The following MGST2 variants were observed in gnomAD, a reference collection of about 807,000 sequenced individuals.
MGST2 encodes glutathione peroxidase MGST2.
A neutral mutation model predicts 16.6 loss-of-function variants in MGST2; 9 were observed. The observed-to-expected ratio is 0.54, with a 90% CI of 0.33 to 0.95. The LOEUF (loss-of-function observed/expected upper bound fraction) is 0.95, where lower values mean the gene tolerates loss of function less well. Among genes scored for constraint, MGST2 ranks in the 40% least tolerant of loss-of-function variants. The probability of loss-of-function intolerance (pLI) is 0.03; values close to 1 mark genes in which losing one functional copy is unlikely to be tolerated. For synonymous variants in MGST2, 79 were observed against 68.0 expected (o/e 1.16, Z -0.79); for missense variants, 159 against 175.1 (o/e 0.91, Z 0.52).
At chr4:139,698,104 T>TG (rs1157450936) in intron 3 of MGST2, 1 of 1,206,032 alleles carries the variant, frequency 8.3e-7, no homozygotes, top group African/African-American at 1.6e-5. Flanking sequence ...AGAAATTTTT[T>TG]TTTTTTTGAG....
intron 5 of MGST2, chr4:139,720,111 C>G: frequency 6.2e-7 from 1 of 1,614,074 alleles, no homozygotes. Flanking sequence ...TGGGTCATGC[C>G]TGTGCTCATA....
downstream of MGST2, among the ~76,000 whole-genome samples, chr4:139,709,071 A>AATTTTTTTTTTTTTTTTTTTTT: frequency 1.2e-5 from 1 of 81,970 alleles, no homozygotes; most frequent in Non-Finnish European, 2.2e-5. Flanking sequence ...AATGGAAAAA[A>AATTTTTTTTTTTTTTTTTTTTT]TTTTTTTTTT....
intron 2 of MGST2, chr4:139,678,922 G>T (rs915991362): frequency 9.7e-6 from 5 of 514,976 alleles, no homozygotes; most frequent in African/African-American, 7.7e-5. Context: ...GAGGGTCACT[G>T]GGTCAAAGAG....
At chr4:139,726,110 C>T (rs1350147015) in intron 5 of MGST2, among the ~76,000 whole-genome samples, 1 of 152,186 alleles carries the variant, frequency 6.6e-6, no homozygotes, top group Non-Finnish European at 1.5e-5. Flanking sequence ...CTCCCTTGAC[C>T]CATGGGCATC....
At chr4:139,692,110 G>A (rs1357470147) in intron 2 of MGST2, among the ~76,000 whole-genome samples, 2 of 152,214 alleles carry the variant, frequency 1.3e-5, no homozygotes, top group Non-Finnish European at 1.5e-5. Context: ...AAAGTACAAT[G>A]AGCACAGCTG....
At chr4:139,711,248 G>C (rs772138033) in intron 5 of MGST2, among the ~76,000 whole-genome samples, 3 of 152,068 alleles carry the variant, frequency 2.0e-5, no homozygotes, top group Non-Finnish European at 2.9e-5. Context: ...TTACAGGACA[G>C]AGAAATATGT....
At chr4:139,720,675 T>C (rs377659245) in intron 5 of MGST2, among the ~76,000 whole-genome samples, 5 of 152,352 alleles carry the variant, frequency 3.3e-5, no homozygotes, top group African/African-American at 1.2e-4. Flanking sequence ...CAGATCCTGA[T>C]GTAATTCTTG....
downstream of MGST2, among the ~76,000 whole-genome samples, chr4:139,709,011 A>AAG (rs1160984419): frequency 6.7e-6 from 1 of 150,304 alleles, no homozygotes; most frequent in African/African-American, 2.4e-5. Flanking sequence ...AAAAAAAAAA[A>AAG]AAAAGAAAAA....
intron 3 of MGST2, among the ~76,000 whole-genome samples, chr4:139,699,197 A>T (rs1727105360): frequency 1.3e-5 from 2 of 152,268 alleles, no homozygotes; most frequent in South Asian, 4.1e-4. Context: ...CAATAGCAAC[A>T]GGAGGTGGCT....
At chr4:139,686,885 G>C (rs1731596379) in intron 2 of MGST2, among the ~76,000 whole-genome samples, 3 of 152,142 alleles carry the variant, frequency 2.0e-5, no homozygotes. Context: ...CTGAAAACTT[G>C]TTGGGAACTA....
intron 3 of MGST2, among the ~76,000 whole-genome samples, chr4:139,695,856 A>G (rs1361436119): frequency 6.6e-6 from 1 of 152,196 alleles, no homozygotes; most frequent in Non-Finnish European, 1.5e-5. Context: ...TGACTCGAAC[A>G]ATGGAGGGGT....
At chr4:139,740,981 C>T (rs1226233152), downstream of MGST2, among the ~76,000 whole-genome samples, 1 of 152,212 alleles carries the variant, frequency 6.6e-6, no homozygotes, top group East Asian at 1.9e-4. Flanking sequence ...TGTCAGCCTG[C>T]TCTGCCGGTT....
intron 5 of MGST2, among the ~76,000 whole-genome samples, chr4:139,725,409 A>G (rs1428022151): frequency 6.6e-6 from 1 of 152,204 alleles, no homozygotes; most frequent in Admixed American, 6.5e-5. Flanking sequence ...TATGCAGCCA[A>G]CAGGCACCAG....
chr4:139,732,805 T>C (rs1214506973), intron 5 of MGST2, among the ~76,000 whole-genome samples: 2 of 152,228 alleles, frequency 1.3e-5, no homozygotes, highest in South Asian at 2.1e-4. Flanking sequence ...TGTAGACCTA[T>C]ATACTGTGTC....
At chr4:139,744,474 A>G (rs1289297192), downstream of MGST2, among the ~76,000 whole-genome samples, 3 of 152,250 alleles carry the variant, frequency 2.0e-5, no homozygotes, top group Admixed American at 6.5e-5. Flanking sequence ...AAGTCACTGC[A>G]TGGCTAACAT....
chr4:139,675,647 A>G (rs1730920184), intron 1 of MGST2, among the ~76,000 whole-genome samples: 1 of 152,220 alleles, frequency 6.6e-6, no homozygotes, highest in Admixed American at 6.5e-5. Flanking sequence ...AGGTTTGAAA[A>G]GGAAAGTTTT....
At chr4:139,727,830 A>G (rs1354660514) in intron 5 of MGST2, among the ~76,000 whole-genome samples, 1 of 152,184 alleles carries the variant, frequency 6.6e-6, no homozygotes, top group East Asian at 1.9e-4. Context: ...GAAACCCAAA[A>G]TCTGTTTCCA....
chr4:139,743,082 T>C (rs1729215409), downstream of MGST2, among the ~76,000 whole-genome samples: 1 of 152,220 alleles, frequency 6.6e-6, no homozygotes, highest in African/African-American at 2.4e-5. Flanking sequence ...CTCTAGCTAG[T>C]TGACTTCATA....
At chr4:139,677,024 G>A (rs542913992) in intron 1 of MGST2, among the ~76,000 whole-genome samples, 2 of 152,202 alleles carry the variant, frequency 1.3e-5, no homozygotes, top group Admixed American at 6.5e-5. Flanking sequence ...GTGAGATTTC[G>A]TCTGTATAAC....
Sources: gnomAD v4.1 joint callset for allele counts (sites outside exome capture counted in the v4.1 genomes callset) on GRCh38, gnomAD v4.1.1 for gene constraint, MANE v1.5 for transcripts, NCBI Gene and HGNC (gene_info 2026-07-23, HGNC 2026-07-21) for gene names.